WWC2: variants seen among roughly 807,000 people sequenced by gnomAD.
WWC2 encodes protein WWC2.
A neutral mutation model predicts 138.5 loss-of-function variants in WWC2; 101 were observed. The observed-to-expected ratio is 0.73, with a 90% CI of 0.62 to 0.86. The LOEUF (loss-of-function observed/expected upper bound fraction) is 0.86. Ranked by LOEUF, WWC2 falls within the 40% of genes least tolerant of loss-of-function variation. WWC2 has a pLI of 0.00. For synonymous variants in WWC2, 558 were observed against 538.4 expected, an observed-to-expected ratio of 1.04 and a Z score of -0.50; for missense variants, 1,420 against 1,419.4, an observed-to-expected ratio of 1.00 and a Z score of -0.01.
intron 21 of WWC2, among the ~76,000 whole-genome samples, chr4:183,304,860 A>G (rs11730586): frequency 0.083 from 12,643 of 152,292 alleles, 751 homozygotes; most frequent in Non-Finnish European, 0.13. Flanking sequence ...ACTAAAAATT[A>G]TAAGGCCTAC....
At chr4:183,174,648 A>G (rs1734404194) in intron 1 of WWC2, among the ~76,000 whole-genome samples, 1 of 152,208 alleles carries the variant, frequency 6.6e-6, no homozygotes, top group Non-Finnish European at 1.5e-5. Context: ...TTATCCTCCC[A>G]ACTTTTTATT....
chr4:183,102,434 G>C (rs994390213), intron 1 of WWC2, among the ~76,000 whole-genome samples: 1 of 152,154 alleles, frequency 6.6e-6, no homozygotes, highest in African/African-American at 2.4e-5. Flanking sequence ...TCATTCTCCC[G>C]TTGGTCCTGT....
At chr4:183,270,485 C>T (rs147954277) in intron 15 of WWC2, among the ~76,000 whole-genome samples, 5 of 151,880 alleles carry the variant, frequency 3.3e-5, no homozygotes, top group African/African-American at 7.2e-5. Context: ...ACTATGAGGC[C>T]GGGTGTGGTG....
intron 1 of WWC2, among the ~76,000 whole-genome samples, chr4:183,126,400 T>G (rs935523414): frequency 2.6e-5 from 4 of 152,182 alleles, no homozygotes; most frequent in Non-Finnish European, 4.4e-5. Flanking sequence ...TGCAATGACA[T>G]CCTGGTTCTC....
chr4:183,295,496 G>C (rs1419073468), intron 21 of WWC2, among the ~76,000 whole-genome samples: 2 of 152,174 alleles, frequency 1.3e-5, no homozygotes, highest in African/African-American at 2.4e-5. Context: ...GCCATGTGAG[G>C]GCCCCTGCCC....
chr4:183,319,748 G>A lies in WWC2; in HGVS notation c.*4019G>A. The A allele has an allele frequency of 6.2e-7, 1 of 1,613,916 alleles. No individual in the cohort carries two copies. Among genetic ancestry groups the A allele is most frequent in the Non-Finnish European group, 8.5e-7 (1 of 1,179,908 alleles). On this transcript the variant is annotated 3_prime_UTR_variant, in exon 23 of 23. Coordinates refer to ENST00000403733, the MANE Select transcript of WWC2 (RefSeq NM_024949.6). ...GGGCCTCCCCAAACTCCCACCTGGG[G>A]ACAAAGTCTGGGACGTTCTCATCCC...
chr4:183,188,444 A>G (rs1734879081), intron 1 of WWC2, among the ~76,000 whole-genome samples: 1 of 151,560 alleles, frequency 6.6e-6, no homozygotes, highest in Non-Finnish European at 1.5e-5. Flanking sequence ...CACCATGTTG[A>G]CCAAGCTGGT....
intron 1 of WWC2, among the ~76,000 whole-genome samples, chr4:183,156,208 T>A (rs1411293522): frequency 1.3e-5 from 2 of 152,098 alleles, no homozygotes; most frequent in East Asian, 3.9e-4. Flanking sequence ...GTATTTTTAG[T>A]AGAGATGGGG....
At chr4:183,201,541 C>T (rs904571284) in intron 2 of WWC2, among the ~76,000 whole-genome samples, 15 of 152,112 alleles carry the variant, frequency 9.9e-5, no homozygotes, top group Non-Finnish European at 1.8e-4. Flanking sequence ...ATCCCTTATC[C>T]CTAGAGGCCA....
At chr4:183,159,395 C>T (rs191616442) in intron 1 of WWC2, among the ~76,000 whole-genome samples, 99 of 152,196 alleles carry the variant, frequency 6.5e-4, no homozygotes, top group African/African-American at 2.1e-3. Context: ...CTTCTCTCAA[C>T]AGTTCTTATC....
At chr4:183,100,145 C>G (rs540036663) in intron 1 of WWC2, among the ~76,000 whole-genome samples, 5 of 152,234 alleles carry the variant, frequency 3.3e-5, no homozygotes, top group Non-Finnish European at 7.3e-5. Flanking sequence ...CTCCCGCCCC[C>G]CGCCGGGCCC....
chr4:183,169,456 A>G lies in WWC2; in HGVS notation c.132-24143A>G, dbSNP rs556061006. On this transcript the variant is annotated intron_variant, in intron 1 of 22. Coordinates refer to ENST00000403733, the MANE Select transcript of WWC2 (RefSeq NM_024949.6). ...AAAATAATTTTTTTTTTATTTTTTC[A>G]TAGAAGTGGAGTCTCACCATGTTGC... is the stretch of plus-strand genomic sequence containing the variant. 5.3e-5 allele frequency among the ~76,000 whole-genome samples: 8 copies of G among 151,176 alleles called. No individual in the cohort carries two copies. In the South Asian group the frequency reaches 8.4e-4, roughly 16 times the overall value.
intron 4 of WWC2, among the ~76,000 whole-genome samples, chr4:183,212,313 A>C (rs556114576): frequency 3.3e-5 from 5 of 152,064 alleles, no homozygotes; most frequent in Admixed American, 3.3e-4. Flanking sequence ...ATTCTATGTC[A>C]CTGTACAATA....
intron 10 of WWC2, 67 bp from the exon 11 acceptor site, chr4:183,260,843 A>G (rs1737298760): frequency 1.3e-6 from 2 of 1,557,928 alleles, no homozygotes; most frequent in East Asian, 2.3e-5. Context: ...TGAAGGAGCC[A>G]GTAGAGATTG....
In WWC2 at chr4:183,205,870, G is replaced by A. The variant is rs569627810; in HGVS notation, c.242-2083G>A. Among the ~76,000 whole-genome samples, 30 of 152,070 alleles carry A rather than the reference G, an allele frequency of 2.0e-4. No individual in the cohort carries two copies. The South Asian group carries it at 5.0e-3, about 25-fold the overall frequency. On this transcript the variant is annotated intron_variant, in intron 2 of 22. Coordinates refer to ENST00000403733, the MANE Select transcript of WWC2 (RefSeq NM_024949.6). ...CTCGGGGAATTTATCTGCCTATAGC[G>A]TCCCAGTTGTCCTTTGCCTGGCCTT...
intron 19 of WWC2, among the ~76,000 whole-genome samples, chr4:183,285,689 G>A (rs1379246878): frequency 1.3e-5 from 2 of 152,140 alleles, no homozygotes; most frequent in Non-Finnish European, 2.9e-5. Context: ...GAACCCAGGT[G>A]GCAGAGGTTG....
intron 1 of WWC2, among the ~76,000 whole-genome samples, chr4:183,108,123 ATGATT>A (rs1243008829): frequency 3.9e-5 from 6 of 152,190 alleles, no homozygotes; most frequent in African/African-American, 7.2e-5. Flanking sequence ...CTTATTCAAA[ATGATT>A]TGACATGTAA....
At chr4:183,270,188 A>G (rs911672749) in intron 15 of WWC2, 1 of 152,248 alleles carries the variant, frequency 6.6e-6, no homozygotes, top group Non-Finnish European at 1.5e-5. Context: ...CATAGATGTC[A>G]TATTTAGTAT....
intron 1 of WWC2, among the ~76,000 whole-genome samples, chr4:183,158,622 G>A (rs559047309): frequency 4.7e-4 from 72 of 152,092 alleles, no homozygotes; most frequent in African/African-American, 1.6e-3. Context: ...ATGGTGTTGA[G>A]GGTTAGGACT....
Sources: gnomAD v4.1 joint callset for allele counts (sites outside exome capture counted in the v4.1 genomes callset) on GRCh38, gnomAD v4.1.1 for gene constraint, MANE v1.5 for transcripts, NCBI Gene and HGNC (gene_info 2026-07-23, HGNC 2026-07-21) for gene names.